Variants in IST1 observed in about 807,000 individuals in gnomAD.
The protein encoded by IST1 is IST1 homolog.
In IST1, 23 loss-of-function variants were observed where a neutral mutation model predicts 37.0. The observed-to-expected ratio is 0.62, with a 90% CI of 0.45 to 0.88. The LOEUF (loss-of-function observed/expected upper bound fraction) is 0.88. Ranked by LOEUF, IST1 falls within the 40% of genes least tolerant of loss-of-function variation. The probability of loss-of-function intolerance (pLI) is 0.00; values close to 1 mark genes in which losing one functional copy is unlikely to be tolerated. For synonymous variants in IST1, 180 were observed against 161.7 expected (o/e 1.11, Z -0.86); for missense variants, 488 against 445.4 (o/e 1.10, Z -0.86).
chr16:71,927,603 G>C lies in IST1; in HGVS notation c.902-11G>C. On this transcript the variant is annotated splice_polypyrimidine_tract_variant and intron_variant, in intron 9 of 9. Transcript: ENST00000378799. ...TGGTATTTGTAACGTTGTGCTCCTT[G>C]CCCTAATTAGGTCCTGGACCCAAGC... The C allele has an allele frequency of 1.9e-6, 3 of 1,600,268 alleles. No individual in the cohort carries two copies. Among genetic ancestry groups the C allele is most frequent in the Non-Finnish European group, 2.6e-6 (3 of 1,167,822 alleles).
intron 7 of IST1, 68 bp downstream of exon 7, chr16:71,922,748 A>C: frequency 1.5e-6 from 2 of 1,295,778 alleles, no homozygotes; most frequent in Non-Finnish European, 2.2e-6. Context: ...CTCTGTGAAC[A>C]CACTCAGGAA....
intron 1 of IST1, among the ~76,000 whole-genome samples, chr16:71,913,838 C>T (rs1353110798): frequency 6.6e-6 from 1 of 152,010 alleles, no homozygotes; most frequent in African/African-American, 2.4e-5. Flanking sequence ...TACGGAGTTT[C>T]ACTCTTGTTG....
intron 1 of IST1, among the ~76,000 whole-genome samples, chr16:71,912,404 A>T (rs1352234333): frequency 1.3e-5 from 2 of 151,864 alleles, no homozygotes; most frequent in Non-Finnish European, 2.9e-5. Flanking sequence ...TGCCTGGCTA[A>T]TTTTTTGTAT....
Position 71,930,323 on chromosome 16 carries a change from TAAG to T in IST1, c.*2514_*2516del, listed in dbSNP as rs1413790765. 3 of 833,992 alleles carry T rather than the reference TAAG, an allele frequency of 3.6e-6. No homozygotes were observed. Among genetic ancestry groups the T allele is most frequent in the Non-Finnish European group, 5.1e-6 (3 of 583,688 alleles). The allele number at this position is 833,992 out of a possible 1,614,324, so 51.7% of individuals were successfully genotyped here. A position where few individuals can be genotyped will look rare whatever the true frequency, so the allele number is the denominator to read the frequency against. On this transcript the variant is annotated 3_prime_UTR_variant, in exon 10 of 10. Transcript: ENST00000378799. Reference sequence around the variant, plus strand: ...ACTTAGGGAGAGAGTCAAAAGATAATAAGAAGGAAAATACTTTTAAATGGACAG... The same window carrying T: ...ACTTAGGGAGAGAGTCAAAAGATAATAAGGAAAATACTTTTAAATGGACAG...
rs572407011 is a variant in IST1 at position 71,895,555 on chromosome 16, C to T, written c.-50C>T. On this transcript the variant is annotated 5_prime_UTR_variant, in exon 1 of 10. Coordinates refer to ENST00000378799, the MANE Select transcript of IST1 (RefSeq NM_001270975.2). ...CATTTTGGATGGTGAACCCTGAAGT[C>T]GGTGTCTGCTGCGTTCACGGCAGGA... 6.0e-5 allele frequency: 59 copies of T among 985,628 alleles called. No individual in the cohort carries two copies. In the East Asian group the frequency reaches 1.6e-3, roughly 27 times the overall value. The allele number at this position is 985,628 out of a possible 1,614,324, so 61.1% of individuals were successfully genotyped here.
intron 4 of IST1, among the ~76,000 whole-genome samples, chr16:71,918,445 C>A (rs1356035226): frequency 7.5e-6 from 1 of 134,000 alleles, no homozygotes; most frequent in Non-Finnish European, 1.5e-5. Flanking sequence ...GAGATGGAGT[C>A]TTGCAGTGTT....
chr16:71,921,304 G>A, intron 5 of IST1, 39 bp from the exon 6 acceptor site: 1 of 1,197,106 alleles, frequency 8.4e-7, no homozygotes, highest in Non-Finnish European at 1.2e-6. Flanking sequence ...AGGCTGGTTG[G>A]TATACATGCA....
chr16:71,921,123 A>T (rs1480301966), intron 5 of IST1: 14 of 597,818 alleles, frequency 2.3e-5, no homozygotes, highest in Non-Finnish European at 3.9e-5. Flanking sequence ...CAGCAGTATC[A>T]TCTTTTGCCA....
At chr16:71,913,734 C>T (rs539732548) in intron 1 of IST1, among the ~76,000 whole-genome samples, 1 of 151,828 alleles carries the variant, frequency 6.6e-6, no homozygotes, top group Non-Finnish European at 1.5e-5. Flanking sequence ...CTCATGGGCT[C>T]AAGCAGTCCT....
intron 1 of IST1, among the ~76,000 whole-genome samples, chr16:71,901,964 A>G (rs984988494): frequency 1.7e-4 from 26 of 152,368 alleles, no homozygotes; most frequent in South Asian, 6.2e-4. Context: ...AGCATGCCTT[A>G]AACATCTTAT....
intron 1 of IST1, among the ~76,000 whole-genome samples, chr16:71,913,831 G>A (rs4528577): frequency 0.2 from 30,906 of 151,876 alleles, 3,799 homozygotes; most frequent in Non-Finnish European, 0.28. Context: ...TTTTGGATAC[G>A]GAGTTTCACT....
chr16:71,925,080 T>C (rs995676772), intron 9 of IST1, among the ~76,000 whole-genome samples: 1 of 151,412 alleles, frequency 6.6e-6, no homozygotes, highest in Non-Finnish European at 1.5e-5. Context: ...TGTTGTGATC[T>C]TGGCTCACTG....
intron 1 of IST1, among the ~76,000 whole-genome samples, chr16:71,911,651 G>T (rs1028230672): frequency 2.7e-5 from 4 of 150,184 alleles, no homozygotes; most frequent in Non-Finnish European, 4.4e-5. Flanking sequence ...ATCATTGTAT[G>T]TTCCCCTCTG....
At chr16:71,916,833 A>G (rs2037477795) in intron 3 of IST1, among the ~76,000 whole-genome samples, 191 bp downstream of exon 3, 1 of 152,180 alleles carries the variant, frequency 6.6e-6, no homozygotes, top group East Asian at 1.9e-4. Flanking sequence ...TGGCTCGACC[A>G]TTTTCCGAGT....
At chr16:71,915,853 C>A in intron 2 of IST1, 125 bp downstream of exon 2, 1 of 599,758 alleles carries the variant, frequency 1.7e-6, no homozygotes, top group Non-Finnish European at 2.9e-6. Flanking sequence ...TTTGTTGAGA[C>A]AGGGTCTCAC....
At chr16:71,926,544 C>T (rs1445859147) in intron 9 of IST1, among the ~76,000 whole-genome samples, 4 of 151,934 alleles carry the variant, frequency 2.6e-5, no homozygotes, top group Non-Finnish European at 5.9e-5. Flanking sequence ...GATGGGGTTT[C>T]ACCATGTTAG....
chr16:71,919,410 G>T (rs945639686), intron 4 of IST1, among the ~76,000 whole-genome samples: 5 of 152,116 alleles, frequency 3.3e-5, no homozygotes, highest in Non-Finnish European at 7.3e-5. Context: ...ATTTGAGACG[G>T]TCTTGATCTG....
At chr16:71,908,715 T>G (rs1387512694) in intron 1 of IST1, among the ~76,000 whole-genome samples, 1 of 152,206 alleles carries the variant, frequency 6.6e-6, no homozygotes, top group Non-Finnish European at 1.5e-5. Context: ...GTCCCCTTTC[T>G]AGTTCCTCAA....
At chr16:71,901,077 CTA>C (rs2037097080) in intron 1 of IST1, among the ~76,000 whole-genome samples, 1 of 152,144 alleles carries the variant, frequency 6.6e-6, no homozygotes, top group Non-Finnish European at 1.5e-5. Context: ...TAAATGTTGA[CTA>C]GAATATTTTA....
Sources: gnomAD v4.1 joint callset for allele counts (sites outside exome capture counted in the v4.1 genomes callset) on GRCh38, gnomAD v4.1.1 for gene constraint, MANE v1.5 for transcripts, NCBI Gene and HGNC (gene_info 2026-07-23, HGNC 2026-07-21) for gene names.